The following CAST variants were observed in gnomAD, a reference collection of about 807,000 sequenced individuals.
CAST encodes MIR583 host.
CAST carries 76 observed loss-of-function variants against 119.6 expected under a neutral mutation model. The ratio of observed to expected loss-of-function variants is 0.64; its 90% CI spans 0.53 to 0.77. CAST has a LOEUF of 0.77. Ranked by LOEUF, CAST falls within the 30% of genes least tolerant of loss-of-function variation. The pLI, the probability that CAST is intolerant of heterozygous loss-of-function variation, is 0.00. For synonymous variants in CAST, 319 were observed against 331.6 expected, an observed-to-expected ratio of 0.96 and a Z score of 0.41; for missense variants, 953 against 946.5, an observed-to-expected ratio of 1.01 and a Z score of -0.09.
the CAST span, among the ~76,000 whole-genome samples, chr5:96,025,265 A>G: frequency 6.6e-6 from 1 of 152,118 alleles, no homozygotes; most frequent in Non-Finnish European, 1.5e-5. Context: ...TCTGGTTTCT[A>G]TGAACCACTT....
upstream of CAST, among the ~76,000 whole-genome samples, chr5:96,661,370 A>C (rs955130699): frequency 6.4e-5 from 9 of 140,766 alleles, no homozygotes; most frequent in Non-Finnish European, 1.4e-4. Context: ...GATTGCAGCG[A>C]GCAGAGATCG....
At chr5:96,632,798 A>G (rs891492249) in intron 1 of CAST, among the ~76,000 whole-genome samples, 1 of 152,158 alleles carries the variant, frequency 6.6e-6, no homozygotes, top group Non-Finnish European at 1.5e-5. Flanking sequence ...CTATATTTCT[A>G]TCTGTATGAC....
chr5:96,158,633 A>T, the CAST span, among the ~76,000 whole-genome samples: 1 of 152,226 alleles, frequency 6.6e-6, no homozygotes, highest in East Asian at 1.9e-4. Context: ...GGGATATTGT[A>T]TGATAACATT....
chr5:96,011,351 GA>G, the CAST span, among the ~76,000 whole-genome samples: 6 of 152,166 alleles, frequency 3.9e-5, no homozygotes, highest in African/African-American at 1.4e-4. Context: ...GCTCTTGGCT[GA>G]AAAGAAGGGC....
At chr5:96,690,161 T>C (rs1483571071) in intron 2 of CAST, among the ~76,000 whole-genome samples, 1 of 151,948 alleles carries the variant, frequency 6.6e-6, no homozygotes, top group African/African-American at 2.4e-5. Flanking sequence ...CTCACTGGAG[T>C]GTGCTCACCA....
chr5:96,359,071 C>T, the CAST span, among the ~76,000 whole-genome samples: 1 of 152,036 alleles, frequency 6.6e-6, no homozygotes, highest in Non-Finnish European at 1.5e-5. Context: ...TGTTGCATTG[C>T]TCCCTTTACA....
the CAST span, among the ~76,000 whole-genome samples, chr5:96,288,288 T>C: frequency 2.0e-5 from 3 of 152,196 alleles, no homozygotes; most frequent in Admixed American, 1.3e-4. Flanking sequence ...AAAAGTACTG[T>C]TGAATGTGAA....
the CAST span, among the ~76,000 whole-genome samples, chr5:96,023,805 A>C: frequency 6.6e-6 from 1 of 152,190 alleles, no homozygotes; most frequent in Non-Finnish European, 1.5e-5. Flanking sequence ...AATTAAAAAA[A>C]AAAATAAGAC....
chr5:96,595,233 A>G (rs1256417314), intron 1 of CAST, among the ~76,000 whole-genome samples: 1 of 152,240 alleles, frequency 6.6e-6, no homozygotes, highest in Non-Finnish European at 1.5e-5. Flanking sequence ...CCGGATGTTT[A>G]TCTAGGTAGA....
chr5:96,524,882 T>C (rs1248625978), upstream of CAST, among the ~76,000 whole-genome samples: 1 of 152,220 alleles, frequency 6.6e-6, no homozygotes, highest in African/African-American at 2.4e-5. Flanking sequence ...AGAGCTCAAG[T>C]AGAGCTCAGG....
At chr5:96,376,710 G>T in the CAST span, among the ~76,000 whole-genome samples, 3 of 152,166 alleles carry the variant, frequency 2.0e-5, no homozygotes, top group Admixed American at 2.0e-4. Context: ...AAAGTGCTGG[G>T]ACTGCAGAAG....
At chr5:96,142,697 G>A in the CAST span, among the ~76,000 whole-genome samples, 1 of 152,134 alleles carries the variant, frequency 6.6e-6, no homozygotes, top group Non-Finnish European at 1.5e-5. Flanking sequence ...CATGAGAAGA[G>A]GTATGGTGGA....
At chr5:96,034,503 ACACATATG>A in the CAST span, among the ~76,000 whole-genome samples, 227 of 122,138 alleles carry the variant, frequency 1.9e-3, 8 homozygotes, top group Middle Eastern at 4.3e-3. Flanking sequence ...ACACACACAC[ACACATATG>A]TGTGTGTGTA....
At chr5:96,376,852 A>G in the CAST span, among the ~76,000 whole-genome samples, 2 of 152,206 alleles carry the variant, frequency 1.3e-5, no homozygotes, top group East Asian at 3.8e-4. Context: ...AGAAGAAGGC[A>G]TTGTTATCAT....
At chr5:96,314,399 C>G in the CAST span, among the ~76,000 whole-genome samples, 1 of 152,076 alleles carries the variant, frequency 6.6e-6, no homozygotes, top group Non-Finnish European at 1.5e-5. Flanking sequence ...CTTGCTGTTG[C>G]TAAATGTTGG....
At chr5:96,035,775 G>GTA in the CAST span, among the ~76,000 whole-genome samples, 1 of 151,690 alleles carries the variant, frequency 6.6e-6, no homozygotes, top group East Asian at 1.9e-4. Flanking sequence ...GTGTGTGTGT[G>GTA]TGTAAAGCAG....
the CAST span, among the ~76,000 whole-genome samples, chr5:96,171,702 A>C: frequency 2.0e-5 from 3 of 152,226 alleles, no homozygotes; most frequent in African/African-American, 7.2e-5. Context: ...AATTAAGAGA[A>C]GGCAGAGATT....
At chr5:96,140,391 A>G in the CAST span, among the ~76,000 whole-genome samples, 3 of 152,250 alleles carry the variant, frequency 2.0e-5, no homozygotes, top group Non-Finnish European at 4.4e-5. Flanking sequence ...AAAAGTTATC[A>G]TACTTTTCAT....
upstream of CAST, among the ~76,000 whole-genome samples, chr5:96,658,380 G>T (rs1036225581): frequency 6.6e-6 from 1 of 152,154 alleles, no homozygotes; most frequent in Non-Finnish European, 1.5e-5. Flanking sequence ...CCATTATTGG[G>T]AATGAGTACA....
Sources: gnomAD v4.1 joint callset for allele counts (sites outside exome capture counted in the v4.1 genomes callset) on GRCh38, gnomAD v4.1.1 for gene constraint, MANE v1.5 for transcripts, NCBI Gene and HGNC (gene_info 2026-07-23, HGNC 2026-07-21) for gene names.